The following DEFB115 variants were observed in gnomAD, a reference collection of about 807,000 sequenced individuals.
The protein encoded by DEFB115 is beta-defensin 115.
A neutral mutation model predicts 8.8 loss-of-function variants in DEFB115; 7 were observed. That is an observed-to-expected ratio of 0.79 (90% CI 0.45 to 1.49). The LOEUF (loss-of-function observed/expected upper bound fraction) is 1.49, where lower values mean the gene tolerates loss of function less well. Ranked by LOEUF, DEFB115 falls within the 40% of genes most tolerant of loss-of-function variation. The pLI, the probability that DEFB115 is intolerant of heterozygous loss-of-function variation, is 0.01. For missense variants in DEFB115, 143 were observed against 99.4 expected (o/e 1.44, Z -1.86); for synonymous variants, 62 against 37.6 (o/e 1.65, Z -2.37).
chr20:31,259,396 T>C, intron 1 of DEFB115, 64 bp from the exon 2 acceptor site: 1 of 1,448,744 alleles, frequency 6.9e-7, no homozygotes, highest in East Asian at 2.4e-5. Context: ...ACCAACATCC[T>C]TTCTTTAATT....
At position 31,259,520 on chromosome 20, in the gene DEFB115, T is replaced by C. The variant is rs1479567494; in HGVS notation, c.155T>C (p.Ile52Thr). The C allele has an allele frequency of 6.2e-7, 1 of 1,613,144 alleles. No individual in the cohort carries two copies. The highest frequency in any genetic ancestry group is 1.7e-5 in the Admixed American group (1 of 59,862). ...TGRCRKSCKE[I>T]ERKKEKCGEK... Reference sequence around the variant, plus strand: ...AGATGCAGGAAATCATGCAAAGAAATTGAGAGGAAGAAAGAAAAATGTGGG... The same window carrying C: ...AGATGCAGGAAATCATGCAAAGAAACTGAGAGGAAGAAAGAAAAATGTGGG... Residue 52 changes from isoleucine (I) to threonine (T), a missense_variant, in exon 2 of 2, where the codon ATT (isoleucine) becomes ACT (threonine). Coordinates refer to ENST00000400552, the MANE Select transcript of DEFB115 (RefSeq NM_001037730.1).
chr20:31,258,890 TAG>T (rs1467897150), intron 1 of DEFB115, among the ~76,000 whole-genome samples: 1 of 152,034 alleles, frequency 6.6e-6, no homozygotes, highest in Non-Finnish European at 1.5e-5. Flanking sequence ...TGCGTTGACT[TAG>T]AGTCACAGAA....
chr20:31,258,700 G>A (rs566487716), intron 1 of DEFB115, among the ~76,000 whole-genome samples: 2 of 152,308 alleles, frequency 1.3e-5, no homozygotes, highest in Admixed American at 6.5e-5. Flanking sequence ...AGAGAAAAGT[G>A]AGAGTCAATG....
At position 31,257,749 on chromosome 20, in the gene DEFB115, C is replaced by A. The variant is rs758050773; in HGVS notation, c.86C>A (p.Thr29Asn). 10 of 1,613,116 alleles carry A rather than the reference C, an allele frequency of 6.2e-6. No homozygotes were observed. The East Asian group carries it at 2.2e-4, about 36-fold the overall frequency. Reference protein sequence around the residue: ...ALVVLVVLAQTAPDGWIRRCY... With the variant: ...ALVVLVVLAQNAPDGWIRRCY... Reference sequence around the variant, plus strand: ...GTTGTCCTTGTGGTCCTGGCTCAGACTGCCCCAGGTAAACAGAACCATGGA... The same window carrying A: ...GTTGTCCTTGTGGTCCTGGCTCAGAATGCCCCAGGTAAACAGAACCATGGA... The change falls in exon 1 of 2, where the codon ACT becomes AAT. Residue 29 changes from threonine (T) to asparagine (N), a missense_variant. By Grantham distance (65) the Thr-to-Asn change is moderately conservative (BLOSUM62 0). Transcript: ENST00000400552.
At chr20:31,259,373 C>G in intron 1 of DEFB115, 87 bp from the exon 2 acceptor site, 2 of 1,337,630 alleles carry the variant, frequency 1.5e-6, no homozygotes, top group Non-Finnish European at 2.0e-6. Flanking sequence ...TCACTCTAAC[C>G]ATTATTACTA....
At chr20:31,258,302 G>A (rs1203588796) in intron 1 of DEFB115, among the ~76,000 whole-genome samples, 3 of 152,210 alleles carry the variant, frequency 2.0e-5, no homozygotes, top group African/African-American at 4.8e-5. Flanking sequence ...TGGGGTTACA[G>A]CAGAAGATTT....
At chr20:31,258,829 T>A (rs147515218) in intron 1 of DEFB115, among the ~76,000 whole-genome samples, 5 of 152,238 alleles carry the variant, frequency 3.3e-5, no homozygotes, top group African/African-American at 1.2e-4. Flanking sequence ...GATTAAGATA[T>A]AATGATCCCT....
chr20:31,258,572 C>A (rs1281544901), intron 1 of DEFB115, among the ~76,000 whole-genome samples: 1 of 152,172 alleles, frequency 6.6e-6, no homozygotes, highest in Non-Finnish European at 1.5e-5. Context: ...TCTGGGCTAA[C>A]CCTGAGTTGG....
In DEFB115 at chr20:31,257,753, C is replaced by T. The variant is rs188601973; in HGVS notation, c.90C>T (p.Ala30=). Residue 30 remains alanine, a synonymous_variant, in exon 1 of 2, where the codon GCC becomes GCT. Transcript: ENST00000400552. ...TCCTTGTGGTCCTGGCTCAGACTGC[C>T]CCAGGTAAACAGAACCATGGAGAGA... ...LVVLVVLAQT[A]PDGWIRRCYY... is the part of the protein sequence containing the mutation. 2.9e-5 allele frequency: 47 copies of T among 1,612,240 alleles called. No individual in the cohort carries two copies. The Middle Eastern group carries it at 8.3e-4, about 28-fold the overall frequency.
chr20:31,259,379 T>C, intron 1 of DEFB115, 81 bp from the exon 2 acceptor site: 1 of 1,370,660 alleles, frequency 7.3e-7, no homozygotes, highest in Non-Finnish European at 9.7e-7. Context: ...TAACCATTAT[T>C]ACTATTACCA....
chr20:31,258,360 G>A (rs1983809196), intron 1 of DEFB115, among the ~76,000 whole-genome samples: 1 of 152,158 alleles, frequency 6.6e-6, no homozygotes, highest in Non-Finnish European at 1.5e-5. Flanking sequence ...GTATAAACAG[G>A]CATCATGGCC....
chr20:31,258,366 T>C (rs1028437770), intron 1 of DEFB115, among the ~76,000 whole-genome samples: 1 of 152,198 alleles, frequency 6.6e-6, no homozygotes, highest in Non-Finnish European at 1.5e-5. Context: ...ACAGGCATCA[T>C]GGCCAGGTGG....
chr20:31,259,347 T>C, intron 1 of DEFB115, 113 bp from the exon 2 acceptor site: 1 of 1,099,446 alleles, frequency 9.1e-7, no homozygotes, highest in South Asian at 2.1e-5. Flanking sequence ...TGCCTTTAAG[T>C]GTCAAAATCA....
chr20:31,257,787 G>C, intron 1 of DEFB115, 30 bp downstream of exon 1: 1 of 1,582,266 alleles, frequency 6.3e-7, no homozygotes. Flanking sequence ...GAAGGGAAAA[G>C]GGAGTAAGGA....
At chr20:31,257,872 A>G in intron 1 of DEFB115, 115 bp downstream of exon 1, 1 of 892,264 alleles carries the variant, frequency 1.1e-6, no homozygotes, top group Non-Finnish European at 1.8e-6. Flanking sequence ...GATGGCTGAG[A>G]TCTGATGAAA....
At chr20:31,258,305 G>A (rs1293863688) in intron 1 of DEFB115, among the ~76,000 whole-genome samples, 1 of 152,184 alleles carries the variant, frequency 6.6e-6, no homozygotes, top group Non-Finnish European at 1.5e-5. Context: ...GGTTACAGCA[G>A]AAGATTTTGG....
intron 1 of DEFB115, 49 bp downstream of exon 1, chr20:31,257,806 T>A (rs1445345531): frequency 1.3e-6 from 2 of 1,506,740 alleles, no homozygotes; most frequent in Non-Finnish European, 1.8e-6. Context: ...GATGGGGTCC[T>A]AACCACAGAA....
rs2122374457 is a variant in DEFB115 at position 31,257,739 on chromosome 20, C to A, written c.76C>A (p.Leu26Met). The stretch of plus-strand genomic sequence containing the variant: ...CCTGGCCTTAGTTGTCCTTGTGGTC[C>A]TGGCTCAGACTGCCCCAGGTAAACA... ...SVLALVVLVV[L>M]AQTAPDGWIR... Residue 26 changes from leucine to methionine, a missense_variant, in exon 1 of 2, where the codon CTG becomes ATG. Transcript: ENST00000400552. 6.2e-7 allele frequency: 1 copy of A among 1,613,750 alleles called. No individual in the cohort carries two copies. The highest frequency in any genetic ancestry group is 8.5e-7 in the Non-Finnish European group (1 of 1,179,706).
In DEFB115 at chr20:31,257,695, G is replaced by C. The variant is rs1262966300; in HGVS notation, c.32G>C (p.Gly11Ala). MLPDHFSPLS[G>A]DIKLSVLALV... ...CCAGATCATTTCTCACCCCTCTCAG[G>C]AGACATTAAACTCTCTGTCCTGGCC... The change falls in exon 1 of 2, where the codon GGA (glycine) becomes GCA (alanine). Residue 11 changes from glycine (G) to alanine (A), a missense_variant. Gly to Ala is a moderately conservative substitution (Grantham distance 60). Coordinates refer to ENST00000400552, the MANE Select transcript of DEFB115 (RefSeq NM_001037730.1). 8 of 1,613,952 alleles carry C rather than the reference G, an allele frequency of 5.0e-6. No individual in the cohort carries two copies. The East Asian group carries it at 1.3e-4, about 27-fold the overall frequency.
Sources: allele counts gnomAD v4.1 joint callset (sites outside exome capture counted in the v4.1 genomes callset), GRCh38; gene constraint gnomAD v4.1.1; transcripts MANE v1.5; gene names NCBI Gene and HGNC (gene_info 2026-07-23, HGNC 2026-07-21).